The following ZNF148 variants were observed in gnomAD, a reference collection of about 807,000 sequenced individuals.
The protein encoded by ZNF148 is Beta-Enolase Repressor Factor-1.
A neutral mutation model predicts 67.7 loss-of-function variants in ZNF148; 7 were observed. The ratio of observed to expected loss-of-function variants is 0.10; its 90% confidence interval spans 0.06 to 0.19. ZNF148 has a LOEUF of 0.19. Ranked by LOEUF, ZNF148 falls within the 10% of genes least tolerant of loss-of-function variation. The pLI is 1.00. For synonymous variants in ZNF148, 333 were observed against 330.7 expected (o/e 1.01, Z -0.08); for missense variants, 583 against 947.1 (o/e 0.62, Z 5.05).
intron 4 of ZNF148, among the ~76,000 whole-genome samples, 166 bp downstream of exon 4, chr3:125,313,142 A>C (rs1361231147): frequency 1.3e-5 from 2 of 152,208 alleles, no homozygotes; most frequent in African/African-American, 4.8e-5. Context: ...TAATACAAGA[A>C]CTTAATTTTG....
At chr3:125,316,939 A>G (rs1940525407) in intron 3 of ZNF148, among the ~76,000 whole-genome samples, 1 of 152,198 alleles carries the variant, frequency 6.6e-6, no homozygotes, top group East Asian at 1.9e-4. Flanking sequence ...GGGACAGATA[A>G]TATTTTGGAA....
intron 3 of ZNF148, among the ~76,000 whole-genome samples, chr3:125,322,929 T>C (rs899293223): frequency 2.0e-5 from 3 of 152,186 alleles, no homozygotes; most frequent in Non-Finnish European, 4.4e-5. Flanking sequence ...TAAATTTGAC[T>C]AACATGTCTA....
intron 3 of ZNF148, among the ~76,000 whole-genome samples, chr3:125,319,798 G>C (rs1442422921): frequency 6.6e-6 from 1 of 152,142 alleles, no homozygotes; most frequent in African/African-American, 2.4e-5. Flanking sequence ...GAAGTAAACT[G>C]GGATTTCAAA....
At chr3:125,253,532 T>G (rs1280872410) in intron 7 of ZNF148, among the ~76,000 whole-genome samples, 1 of 152,144 alleles carries the variant, frequency 6.6e-6, no homozygotes, top group Non-Finnish European at 1.5e-5. Context: ...GGGAAAAATT[T>G]TAGTATTTCA....
In ZNF148 at chr3:125,353,568, A is replaced by G. The variant is rs758751053; in HGVS notation, c.-234+21534T>C. On this transcript the variant is annotated intron_variant, in intron 1 of 8. Transcript: ENST00000360647. ...GGGTGAAGGGTACACAGGACTATGT[A>G]CTAATTTTGCCACTTCCTGTGAGTC... Among the ~76,000 whole-genome samples, 7 of 152,166 alleles carry G rather than the reference A, an allele frequency of 4.6e-5. No homozygotes were observed. In the East Asian group the frequency reaches 5.8e-4, roughly 13 times the overall value.
chr3:125,321,254 G>A (rs1940758015), intron 3 of ZNF148, among the ~76,000 whole-genome samples: 1 of 151,946 alleles, frequency 6.6e-6, no homozygotes, highest in Admixed American at 6.6e-5. Flanking sequence ...TATAATAATG[G>A]TAACTGGACA....
intron 3 of ZNF148, among the ~76,000 whole-genome samples, chr3:125,319,230 G>A (rs1940664155): frequency 6.6e-6 from 1 of 152,184 alleles, no homozygotes; most frequent in East Asian, 1.9e-4. Context: ...AATCAATTAT[G>A]TGTAAGTAAT....
intron 1 of ZNF148, among the ~76,000 whole-genome samples, chr3:125,371,980 C>T (rs569632779): frequency 8.7e-5 from 13 of 149,742 alleles, no homozygotes; most frequent in African/African-American, 3.0e-4. Context: ...AGGAGAATGG[C>T]GTGAACCTGG....
At chr3:125,357,536 G>C (rs1029152477) in intron 1 of ZNF148, among the ~76,000 whole-genome samples, 5 of 151,830 alleles carry the variant, frequency 3.3e-5, no homozygotes, top group African/African-American at 4.8e-5. Context: ...CACGGACCCA[G>C]GCGGGCGGCA....
chr3:125,288,796 T>C (rs1038612301), intron 4 of ZNF148, among the ~76,000 whole-genome samples: 2 of 152,166 alleles, frequency 1.3e-5, no homozygotes, highest in Non-Finnish European at 2.9e-5. Context: ...GCCAGTACTT[T>C]CCTGGGCTCT....
intron 1 of ZNF148, among the ~76,000 whole-genome samples, chr3:125,372,819 A>G (rs1942933703): frequency 6.6e-6 from 1 of 152,052 alleles, no homozygotes; most frequent in Non-Finnish European, 1.5e-5. Context: ...ATACAAAATT[A>G]GCCAGGGGTG....
chr3:125,302,159 T>C (rs1189962538), intron 4 of ZNF148, among the ~76,000 whole-genome samples: 1 of 151,820 alleles, frequency 6.6e-6, no homozygotes, highest in Non-Finnish European at 1.5e-5. Flanking sequence ...GGAGGATCGC[T>C]TGAGCCCAGG....
intron 1 of ZNF148, among the ~76,000 whole-genome samples, chr3:125,366,689 C>G (rs1942714134): frequency 6.6e-6 from 1 of 152,284 alleles, no homozygotes. Context: ...GTATTTCTTA[C>G]TATAGGTCAT....
At chr3:125,267,395 G>A (rs1034512397) in intron 7 of ZNF148, among the ~76,000 whole-genome samples, 14 of 152,092 alleles carry the variant, frequency 9.2e-5, no homozygotes, top group African/African-American at 3.1e-4. Flanking sequence ...CTTTATTCCC[G>A]GGATGCAATG....
chr3:125,289,446 AG>A (rs1938887520), intron 4 of ZNF148, among the ~76,000 whole-genome samples: 1 of 152,224 alleles, frequency 6.6e-6, no homozygotes, highest in African/African-American at 2.4e-5. Flanking sequence ...TTATTTAGCT[AG>A]TAATTCTACC....
chr3:125,342,000 G>T (rs565720917), intron 1 of ZNF148, among the ~76,000 whole-genome samples: 764 of 75,970 alleles, frequency 0.01, 19 homozygotes, highest in African/African-American at 0.041. Flanking sequence ...GTTTCGGGGC[G>T]GGGGGGGGAA....
At chr3:125,278,900 A>G (rs1196951252) in intron 6 of ZNF148, among the ~76,000 whole-genome samples, 1 of 152,174 alleles carries the variant, frequency 6.6e-6, no homozygotes, top group Non-Finnish European at 1.5e-5. Context: ...TAAGCCAAAC[A>G]GGTGTCCAAT....
chr3:125,242,389 G>C (rs1036496491), intron 7 of ZNF148, among the ~76,000 whole-genome samples: 1 of 152,188 alleles, frequency 6.6e-6, no homozygotes, highest in Admixed American at 6.5e-5. Context: ...TGGAGGCCGA[G>C]GCAGGTGGAT....
intron 5 of ZNF148, among the ~76,000 whole-genome samples, chr3:125,283,489 T>C (rs894134507): frequency 6.6e-6 from 1 of 152,120 alleles, no homozygotes; most frequent in Admixed American, 6.5e-5. Context: ...TAAAGAAAGA[T>C]TTACATCAGA....
Sources: allele counts gnomAD v4.1 joint callset (sites outside exome capture counted in the v4.1 genomes callset), GRCh38; gene constraint gnomAD v4.1.1; transcripts MANE v1.5; gene names NCBI Gene and HGNC (gene_info 2026-07-23, HGNC 2026-07-21).